The following CTNNA3 variants were observed in gnomAD, a reference collection of about 807,000 sequenced individuals.
CTNNA3 encodes the protein catenin alpha-3.
A neutral mutation model predicts 95.7 loss-of-function variants in CTNNA3; 76 were observed. The ratio of observed to expected loss-of-function variants is 0.79; its 90% CI spans 0.66 to 0.96. The LOEUF is 0.96. Among genes scored for constraint, CTNNA3 ranks in the 40% least tolerant of loss-of-function variants. CTNNA3 has a pLI of 0.00. For missense variants in CTNNA3, 1,191 were observed against 1,089.8 expected (o/e 1.09, Z -1.31); for synonymous variants, 431 against 374.4 (o/e 1.15, Z -1.74).
intron 15 of CTNNA3, among the ~76,000 whole-genome samples, chr10:66,036,434 T>G (rs931218126): frequency 3.3e-5 from 5 of 152,118 alleles, no homozygotes; most frequent in Non-Finnish European, 7.3e-5. Flanking sequence ...AGTCTCATGG[T>G]GCAATCTCGG....
At chr10:66,948,513 C>T (rs1200898810) in intron 7 of CTNNA3, among the ~76,000 whole-genome samples, 3 of 152,120 alleles carry the variant, frequency 2.0e-5, no homozygotes, top group African/African-American at 7.2e-5. Flanking sequence ...ATTTTCAATG[C>T]TCTCAATTAA....
chr10:67,623,422 G>A (rs1434356510), intron 2 of CTNNA3, among the ~76,000 whole-genome samples: 1 of 152,150 alleles, frequency 6.6e-6, no homozygotes, highest in African/African-American at 2.4e-5. Context: ...TTTAGAGGGG[G>A]TTGTGGTCAA....
At chr10:67,435,020 T>C (rs1177245834) in intron 5 of CTNNA3, among the ~76,000 whole-genome samples, 1 of 152,068 alleles carries the variant, frequency 6.6e-6, no homozygotes, top group Non-Finnish European at 1.5e-5. Flanking sequence ...TTCCGATATA[T>C]TGCTATAGGA....
At chr10:67,278,214 C>T (rs1157848610) in intron 5 of CTNNA3, among the ~76,000 whole-genome samples, 1 of 152,054 alleles carries the variant, frequency 6.6e-6, no homozygotes, top group Non-Finnish European at 1.5e-5. Flanking sequence ...AAAAGCTTTC[C>T]TTTGATGATG....
At chr10:66,123,697 G>C (rs1056212274) in intron 13 of CTNNA3, among the ~76,000 whole-genome samples, 1 of 152,196 alleles carries the variant, frequency 6.6e-6, no homozygotes, top group Non-Finnish European at 1.5e-5. Flanking sequence ...TGAAATCTAG[G>C]TGGAGGTACC....
At chr10:66,986,890 G>A (rs1358507024) in intron 7 of CTNNA3, among the ~76,000 whole-genome samples, 1 of 152,116 alleles carries the variant, frequency 6.6e-6, no homozygotes, top group East Asian at 1.9e-4. Context: ...GAATACAGAA[G>A]TGCACCAAAT....
intron 11 of CTNNA3, among the ~76,000 whole-genome samples, chr10:66,437,942 T>TAAC (rs1470828397): frequency 6.6e-6 from 1 of 152,200 alleles, no homozygotes; most frequent in Non-Finnish European, 1.5e-5. Context: ...GTTTTCCTTC[T>TAAC]AACAGTCAGG....
At chr10:66,694,625 T>A (rs1192316484) in intron 9 of CTNNA3, among the ~76,000 whole-genome samples, 1 of 152,146 alleles carries the variant, frequency 6.6e-6, no homozygotes, top group Non-Finnish European at 1.5e-5. Context: ...TTTTTCTAAC[T>A]TTTAAAAATA....
chr10:66,286,025 G>A (rs10430509), intron 12 of CTNNA3, among the ~76,000 whole-genome samples: 1 of 151,678 alleles, frequency 6.6e-6, no homozygotes, highest in Non-Finnish European at 1.5e-5. Context: ...TTTGCATAAT[G>A]TTTAGTTTGG....
chr10:67,348,738 T>C (rs1430179278), intron 5 of CTNNA3, among the ~76,000 whole-genome samples: 1 of 151,916 alleles, frequency 6.6e-6, no homozygotes, highest in Non-Finnish European at 1.5e-5. Context: ...CCCAAACACC[T>C]CCCATTAGGC....
At chr10:66,115,628 G>GAGAT (rs2082313570) in intron 13 of CTNNA3, among the ~76,000 whole-genome samples, 1 of 147,996 alleles carries the variant, frequency 6.8e-6, no homozygotes. Flanking sequence ...GATAGAGATA[G>GAGAT]AGATAGAGAT....
At chr10:66,923,422 C>G (rs1318428763) in intron 7 of CTNNA3, among the ~76,000 whole-genome samples, 1 of 152,112 alleles carries the variant, frequency 6.6e-6, no homozygotes, top group Non-Finnish European at 1.5e-5. Context: ...GTCTCAATGA[C>G]TACGTGGGAG....
intron 9 of CTNNA3, among the ~76,000 whole-genome samples, chr10:66,750,175 T>C (rs1839075187): frequency 6.6e-6 from 1 of 152,242 alleles, no homozygotes; most frequent in Admixed American, 6.5e-5. Context: ...TGTTTTCTTA[T>C]TCTCTTCATA....
intron 5 of CTNNA3, among the ~76,000 whole-genome samples, chr10:67,503,276 GCTCACCCTC>G (rs1839290387): frequency 6.6e-6 from 1 of 152,096 alleles, no homozygotes; most frequent in African/African-American, 2.4e-5. Context: ...CCCTGCTTTG[GCTCACCCTC>G]TGTGGGCTGC....
At position 66,444,306 on chromosome 10, in the gene CTNNA3, T is replaced by C. The variant is rs994529282; in HGVS notation, c.1532-64954A>G. 6.1e-4 allele frequency among the ~76,000 whole-genome samples: 92 copies of C among 151,898 alleles called. 2 individuals are homozygous for C. The highest frequency in any genetic ancestry group is 3.4e-4 in the Non-Finnish European group (23 of 67,972). ...CTAGCAAGGCAGGCCAACATTCAGATTCAGGAAATACAGAGAACACCACAA... is the reference window on the plus strand; with the variant it reads ...CTAGCAAGGCAGGCCAACATTCAGACTCAGGAAATACAGAGAACACCACAA... On this transcript the variant is annotated intron_variant, in intron 11 of 17. Transcript: ENST00000433211.
At chr10:66,420,838 T>TAAATAAATAAAA (rs905152645) in intron 11 of CTNNA3, among the ~76,000 whole-genome samples, 161 of 82,994 alleles carry the variant, frequency 1.9e-3, no homozygotes, top group African/African-American at 5.8e-3. Flanking sequence ...AATAAATAAA[T>TAAATAAATAAAA]AAAAAACAAT....
chr10:67,487,708 C>T (rs752071722), intron 5 of CTNNA3, among the ~76,000 whole-genome samples: 1 of 152,168 alleles, frequency 6.6e-6, no homozygotes, highest in Non-Finnish European at 1.5e-5. Context: ...GTACATATAA[C>T]TGATAAAGGG....
chr10:65,983,655 T>A (rs2078368525), intron 16 of CTNNA3, among the ~76,000 whole-genome samples: 1 of 151,464 alleles, frequency 6.6e-6, no homozygotes, highest in Admixed American at 6.6e-5. Context: ...TGTGCTAAAA[T>A]TCTACAAGAC....
chr10:66,651,794 C>T (rs1845913778), intron 9 of CTNNA3, among the ~76,000 whole-genome samples: 2 of 143,174 alleles, frequency 1.4e-5, no homozygotes, highest in Non-Finnish European at 1.5e-5. Flanking sequence ...ACCCAGAACC[C>T]GCATTGGCCG....
Sources: gnomAD v4.1 joint callset for allele counts (sites outside exome capture counted in the v4.1 genomes callset) on GRCh38, gnomAD v4.1.1 for gene constraint, MANE v1.5 for transcripts, NCBI Gene and HGNC (gene_info 2026-07-23, HGNC 2026-07-21) for gene names.